EXT2: variants seen among roughly 807,000 people sequenced by gnomAD.
EXT2 encodes exostosin-2.
EXT2 carries 53 observed loss-of-function variants against 81.6 expected under a neutral mutation model. That is an observed-to-expected ratio of 0.65 (90% CI 0.52 to 0.82). EXT2 has a LOEUF of 0.82. Among genes scored for constraint, EXT2 ranks in the 40% least tolerant of loss-of-function variants. EXT2 has a pLI of 0.00. For missense variants in EXT2, 774 were observed against 910.2 expected, an observed-to-expected ratio of 0.85 and a Z score of 1.93; for synonymous variants, 320 against 340.0, an observed-to-expected ratio of 0.94 and a Z score of 0.65.
intron 7 of EXT2, among the ~76,000 whole-genome samples, chr11:44,164,976 T>C (rs1462138026): frequency 2.6e-5 from 4 of 151,422 alleles, no homozygotes; most frequent in African/African-American, 7.3e-5. Context: ...CCTCCCGGGT[T>C]CACGCCATTC....
At chr11:44,207,160 C>T (rs1329472286) in intron 10 of EXT2, among the ~76,000 whole-genome samples, 1 of 152,218 alleles carries the variant, frequency 6.6e-6, no homozygotes, top group Non-Finnish European at 1.5e-5. Context: ...TCCAAAATGG[C>T]AACTGTGCCC....
At chr11:44,130,278 A>T (rs977040024) in intron 7 of EXT2, 140 bp downstream of exon 7, 1 of 723,936 alleles carries the variant, frequency 1.4e-6, no homozygotes, top group Non-Finnish European at 2.5e-6. Context: ...AAACGATAGG[A>T]AATTAATGTT....
intron 8 of EXT2, among the ~76,000 whole-genome samples, chr11:44,186,611 A>G (rs1955314158): frequency 6.6e-6 from 1 of 152,224 alleles, no homozygotes; most frequent in South Asian, 2.1e-4. Flanking sequence ...AAAAAAATTG[A>G]CGTAGCTAAA....
chr11:44,161,348 G>A (rs1289181330), intron 7 of EXT2, among the ~76,000 whole-genome samples: 2 of 152,028 alleles, frequency 1.3e-5, no homozygotes, highest in Non-Finnish European at 2.9e-5. Flanking sequence ...AAAATTGTAA[G>A]CCAGGATCAA....
chr11:44,115,924 G>C (rs982231255), intron 4 of EXT2: 4 of 152,092 alleles, frequency 2.6e-5, no homozygotes, highest in African/African-American at 2.4e-5. Flanking sequence ...AAGACTGAGT[G>C]GTTCATGAAG....
intron 7 of EXT2, among the ~76,000 whole-genome samples, chr11:44,136,536 C>G (rs893225014): frequency 6.6e-6 from 1 of 152,104 alleles, no homozygotes; most frequent in Non-Finnish European, 1.5e-5. Flanking sequence ...AAAGTGGTTG[C>G]TTGAGACATT....
chr11:44,223,127 A>G (rs1598078), intron 10 of EXT2, among the ~76,000 whole-genome samples: 77,515 of 152,104 alleles, frequency 0.51, 20,221 homozygotes, highest in Middle Eastern at 0.57. Flanking sequence ...AAATACAAAC[A>G]GCAAATGCCA....
Position 44,180,333 on chromosome 11 carries a change from A to G in EXT2, c.1305+8591A>G, listed in dbSNP as rs550899732. Among the ~76,000 whole-genome samples the G allele has an allele frequency of 1.1e-4, 17 of 152,242 alleles. 1 individual carries two copies. In the South Asian group the frequency reaches 3.5e-3, roughly 32 times the overall value. On this transcript the variant is annotated intron_variant, in intron 8 of 13. Coordinates refer to ENST00000533608, the MANE Select transcript of EXT2 (RefSeq NM_207122.2). ...ATCATTTTTCATTAAAGTGGTATTT[A>G]TTATATGCATTATTAGAGCTGTATA...
At chr11:44,117,052 CT>C (rs1052679995) in intron 4 of EXT2, among the ~76,000 whole-genome samples, 37 of 151,884 alleles carry the variant, frequency 2.4e-4, no homozygotes, top group African/African-American at 8.9e-4. Context: ...TCACCAAAAC[CT>C]CCGCCTCCCA....
In EXT2 at chr11:44,188,114, A is replaced by G. The variant is rs56180008; in HGVS notation, c.1306-9715A>G. Among the ~76,000 whole-genome samples the G allele has an allele frequency of 3.7e-3, 568 of 152,338 alleles. 4 individuals are homozygous for G. The highest frequency in any genetic ancestry group is 0.013 in the African/African-American group (547 of 41,572). On this transcript the variant is annotated intron_variant, in intron 8 of 13. Coordinates refer to ENST00000533608, the MANE Select transcript of EXT2 (RefSeq NM_207122.2). ...TAAAATATTGAATGAAGTATTATAA[A>G]GCAATTTTAACCTATTGCTGAGCTG...
chr11:44,138,678 G>A (rs1954604655), intron 7 of EXT2, among the ~76,000 whole-genome samples: 1 of 152,092 alleles, frequency 6.6e-6, no homozygotes, highest in African/African-American at 2.4e-5. Flanking sequence ...TCTTACTGTG[G>A]GTCCCAGTCC....
chr11:44,173,057 C>T (rs900068194), intron 8 of EXT2, among the ~76,000 whole-genome samples: 1 of 152,142 alleles, frequency 6.6e-6, no homozygotes, highest in Admixed American at 6.5e-5. Flanking sequence ...AAGACAGTTC[C>T]TGCCTTCAAA....
At position 44,136,653 on chromosome 11, in the gene EXT2, A is replaced by G. The variant is rs1377108702; in HGVS notation, c.1173+6515A>G. Among the ~76,000 whole-genome samples, 13 of 152,280 alleles carry G rather than the reference A, an allele frequency of 8.5e-5. No homozygotes were observed. The East Asian group carries it at 2.5e-3, about 29-fold the overall frequency. ...TGTCTACCATTCTTATCCACCCTGC[A>G]CCGCCACTGTGAAATTGAGGATTTT... On this transcript the variant is annotated intron_variant, in intron 7 of 13. Coordinates refer to ENST00000533608, the MANE Select transcript of EXT2 (RefSeq NM_207122.2).
Position 44,251,684 on chromosome 11 carries a change from CAGA to C in EXT2, c.*7402_*7404del, listed in dbSNP as rs1199362403. ...TTTAATTTACTTCCAGAGAAAGGACCAGAAGAAAGTAAATTTTCATTTATGTTT... is the reference window on the plus strand; with the variant it reads ...TTTAATTTACTTCCAGAGAAAGGACCAGAAAGTAAATTTTCATTTATGTTT... On this transcript the variant is annotated 3_prime_UTR_variant, in exon 14 of 14. Transcript: ENST00000533608. 2.0e-5 allele frequency among the ~76,000 whole-genome samples: 3 copies of C among 151,972 alleles called. No individual in the cohort carries two copies. The highest frequency in any genetic ancestry group is 4.4e-5 in the Non-Finnish European group (3 of 67,988).
At chr11:44,126,345 GAA>G (rs896845506) in intron 5 of EXT2, among the ~76,000 whole-genome samples, 2 of 152,214 alleles carry the variant, frequency 1.3e-5, no homozygotes, top group African/African-American at 2.4e-5. Flanking sequence ...GTAGAAACAT[GAA>G]AAGAGATTTG....
intron 1 of EXT2, among the ~76,000 whole-genome samples, chr11:44,105,597 T>C (rs2134959717): frequency 6.6e-6 from 1 of 152,290 alleles, no homozygotes; most frequent in South Asian, 2.1e-4. Context: ...CAGCTGTCTT[T>C]TTGTGGATTG....
chr11:44,137,430 A>G (rs1565208401), intron 7 of EXT2, among the ~76,000 whole-genome samples: 1 of 151,942 alleles, frequency 6.6e-6, no homozygotes, highest in Non-Finnish European at 1.5e-5. Flanking sequence ...TAGTATGTGG[A>G]TCTTAGTCTG....
chr11:44,236,657 C>T (rs1430281864), intron 13 of EXT2, among the ~76,000 whole-genome samples: 1 of 152,180 alleles, frequency 6.6e-6, no homozygotes, highest in Non-Finnish European at 1.5e-5. Flanking sequence ...AGTTAACCAT[C>T]TACAGTCATT....
intron 7 of EXT2, among the ~76,000 whole-genome samples, chr11:44,158,194 C>T (rs1460168443): frequency 6.6e-6 from 1 of 152,182 alleles, no homozygotes; most frequent in African/African-American, 2.4e-5. Flanking sequence ...GTGACACAAG[C>T]ACCCACTTTA....
Sources: allele counts gnomAD v4.1 joint callset (sites outside exome capture counted in the v4.1 genomes callset), GRCh38; gene constraint gnomAD v4.1.1; transcripts MANE v1.5; gene names NCBI Gene and HGNC (gene_info 2026-07-23, HGNC 2026-07-21).